Variants in SLC9A4 observed in about 807,000 individuals in gnomAD.
The protein encoded by SLC9A4 is sodium/hydrogen exchanger 4.
Under a neutral mutation model 67.4 loss-of-function variants are expected in SLC9A4, and 63 were observed. The observed-to-expected ratio is 0.93, with a 90% confidence interval of 0.76 to 1.15. SLC9A4 has a LOEUF of 1.15. SLC9A4 is among the 50% of genes most tolerant of loss of function. The pLI, the probability that SLC9A4 is intolerant of heterozygous loss-of-function variation, is 0.00. For synonymous variants in SLC9A4, 393 were observed against 367.2 expected (o/e 1.07, Z -0.80); for missense variants, 1,089 against 987.7 (o/e 1.10, Z -1.38).
At chr2:102,519,216 A>C (rs1353720333) in intron 8 of SLC9A4, among the ~76,000 whole-genome samples, 1 of 152,190 alleles carries the variant, frequency 6.6e-6, no homozygotes, top group Non-Finnish European at 1.5e-5. Flanking sequence ...GCTGGCTTTC[A>C]TGGTATAAAT....
intron 11 of SLC9A4, among the ~76,000 whole-genome samples, chr2:102,530,707 A>T (rs1375936146): frequency 6.6e-6 from 1 of 152,202 alleles, no homozygotes; most frequent in Non-Finnish European, 1.5e-5. Context: ...AGCACCAAGG[A>T]TCCAGAGGAA....
At chr2:102,519,227 G>T (rs950185081) in intron 8 of SLC9A4, among the ~76,000 whole-genome samples, 1 of 152,114 alleles carries the variant, frequency 6.6e-6, no homozygotes, top group Non-Finnish European at 1.5e-5. Flanking sequence ...TGGTATAAAT[G>T]GTCTAATTGC....
intron 11 of SLC9A4, among the ~76,000 whole-genome samples, chr2:102,530,595 G>C (rs957666753): frequency 6.6e-6 from 1 of 152,132 alleles, no homozygotes; most frequent in Non-Finnish European, 1.5e-5. Flanking sequence ...CAGTGACCAG[G>C]GTCTGTCCAC....
Position 102,530,404 on chromosome 2 carries a change from G to A in SLC9A4, c.2039-1926G>A, listed in dbSNP as rs773534562. Among the ~76,000 whole-genome samples, 47 of 152,286 alleles carry A rather than the reference G, an allele frequency of 3.1e-4. 1 individual carries two copies. The highest frequency in any genetic ancestry group is 3.4e-4 in the Non-Finnish European group (23 of 68,024). On this transcript the variant is annotated intron_variant, in intron 11 of 11. Coordinates refer to ENST00000295269, the MANE Select transcript of SLC9A4 (RefSeq NM_001011552.4). ...GTGCCCATGTGGAGGAGAGTTATGC[G>A]AAAAGGACAAAACACAGTCCTCACT...
intron 2 of SLC9A4, among the ~76,000 whole-genome samples, chr2:102,498,605 C>G (rs1457977304): frequency 7.1e-6 from 1 of 140,594 alleles, no homozygotes; most frequent in Non-Finnish European, 1.5e-5. Context: ...GGCTTCACTC[C>G]TTTCAGTGTG....
At chr2:102,487,226 A>G (rs1171047038) in intron 2 of SLC9A4, among the ~76,000 whole-genome samples, 1 of 150,536 alleles carries the variant, frequency 6.6e-6, no homozygotes, top group Non-Finnish European at 1.5e-5. Flanking sequence ...AGGGAGAAGT[A>G]AACCAAGAGA....
chr2:102,524,935 G>T (rs1674627491), intron 9 of SLC9A4, 89 bp from the exon 10 acceptor site: 3 of 1,519,966 alleles, frequency 2.0e-6, no homozygotes, highest in Non-Finnish European at 2.7e-6. Flanking sequence ...TGTTCTCCTG[G>T]TCTTAGGTTC....
chr2:102,483,841 T>TATACACACACACACACAC (rs370126753), intron 2 of SLC9A4, among the ~76,000 whole-genome samples: 3 of 126,776 alleles, frequency 2.4e-5, no homozygotes, highest in African/African-American at 9.3e-5. Context: ...TATATATATA[T>TATACACACACACACACAC]ACACACACAC....
At chr2:102,499,744 C>T (rs951032517) in intron 2 of SLC9A4, among the ~76,000 whole-genome samples, 1 of 152,230 alleles carries the variant, frequency 6.6e-6, no homozygotes, top group African/African-American at 2.4e-5. Context: ...CTTCTGCCCA[C>T]ATTCCCTTAT....
intron 2 of SLC9A4, among the ~76,000 whole-genome samples, chr2:102,491,710 C>T (rs996327774): frequency 3.9e-5 from 6 of 152,020 alleles, no homozygotes; most frequent in African/African-American, 1.5e-4. Flanking sequence ...TACCGCTGTC[C>T]CCTCCCAAAT....
chr2:102,507,414 C>G (rs1025378499), intron 4 of SLC9A4, among the ~76,000 whole-genome samples: 1 of 152,120 alleles, frequency 6.6e-6, no homozygotes, highest in African/African-American at 2.4e-5. Flanking sequence ...TTATGTGAGC[C>G]GCTTGGGGAT....
rs199497876 is a variant in SLC9A4, at chr2:102,514,163, T to A, written c.1633T>A (p.Ser545Thr). 7 of 1,614,176 alleles carry A rather than the reference T, an allele frequency of 4.3e-6. No homozygotes were observed. In the Middle Eastern group the frequency reaches 9.9e-4, roughly 228 times the overall value. The change falls in exon 8 of 12, where the codon TCT becomes ACT. Residue 545 changes from serine to threonine, a missense_variant. Transcript: ENST00000295269. The stretch of plus-strand genomic sequence containing the variant: ...GAACCTACCCAAATCAAGCATTGTT[T>A]CTTTGTACAAGAAGCTGGAAATGAA... ...RKNLPKSSIV[S>T]LYKKLEMKQA...
chr2:102,499,852 T>C (rs1684887283), intron 2 of SLC9A4, among the ~76,000 whole-genome samples: 1 of 152,214 alleles, frequency 6.6e-6, no homozygotes, highest in African/African-American at 2.4e-5. Flanking sequence ...TTAAGAAACA[T>C]GATTGAACCA....
chr2:102,511,346 C>T (rs1685159598), intron 6 of SLC9A4, among the ~76,000 whole-genome samples: 1 of 152,104 alleles, frequency 6.6e-6, no homozygotes, highest in African/African-American at 2.4e-5. Context: ...TCTTTATCTC[C>T]TATGATTTAT....
chr2:102,497,424 C>T (rs934133768), intron 2 of SLC9A4, among the ~76,000 whole-genome samples: 16 of 151,998 alleles, frequency 1.1e-4, no homozygotes, highest in Non-Finnish European at 8.8e-5. Context: ...TGGGAGTGGA[C>T]AAATATTCAT....
intron 6 of SLC9A4, 65 bp downstream of exon 6, chr2:102,508,998 A>C (rs6739301): frequency 1.5e-6 from 2 of 1,363,036 alleles, no homozygotes; most frequent in African/African-American, 2.9e-5. Flanking sequence ...ACCATGAGAC[A>C]TGTGCACGTG....
At chr2:102,490,931 T>C (rs1239291106) in intron 2 of SLC9A4, among the ~76,000 whole-genome samples, 1 of 152,256 alleles carries the variant, frequency 6.6e-6, no homozygotes, top group Non-Finnish European at 1.5e-5. Context: ...GCAGTTACCA[T>C]ATTGAACATT....
At chr2:102,487,711 C>A (rs1290154847) in intron 2 of SLC9A4, among the ~76,000 whole-genome samples, 1 of 152,218 alleles carries the variant, frequency 6.6e-6, no homozygotes, top group African/African-American at 2.4e-5. Context: ...CTTCAGGTCA[C>A]ATGCACAAGA....
intron 4 of SLC9A4, among the ~76,000 whole-genome samples, chr2:102,507,011 G>C (rs766446144): frequency 2.6e-5 from 4 of 152,032 alleles, no homozygotes; most frequent in Non-Finnish European, 5.9e-5. Context: ...ACTCGCGAAG[G>C]CTTGCTACAT....
Sources: allele counts gnomAD v4.1 joint callset (sites outside exome capture counted in the v4.1 genomes callset), GRCh38; gene constraint gnomAD v4.1.1; transcripts MANE v1.5; gene names NCBI Gene and HGNC (gene_info 2026-07-23, HGNC 2026-07-21).